The following CHRM2 variants were observed in gnomAD, a reference collection of about 807,000 sequenced individuals.
CHRM2 encodes the protein cholinergic receptor muscarinic 2, also known as muscarinic acetylcholine receptor M2.
In CHRM2, 8 loss-of-function variants were observed where a neutral mutation model predicts 25.0. The observed-to-expected ratio is 0.32, with a 90% CI of 0.19 to 0.58. The LOEUF (loss-of-function observed/expected upper bound fraction) is 0.58. Ranked by LOEUF, CHRM2 falls within the 20% of genes least tolerant of loss-of-function variation. The probability of loss-of-function intolerance (pLI) is 0.88; values close to 1 mark genes in which losing one functional copy is unlikely to be tolerated. For synonymous variants in CHRM2, 202 were observed against 205.7 expected (o/e 0.98, Z 0.15); for missense variants, 440 against 567.1 (o/e 0.78, Z 2.28).
chr7:136,994,140 C>T (rs1803417431), intron 3 of CHRM2, among the ~76,000 whole-genome samples: 2 of 152,156 alleles, frequency 1.3e-5, no homozygotes, highest in Admixed American at 1.3e-4. Flanking sequence ...AACCCCTTTC[C>T]TGACCTCCAC....
chr7:136,985,622 C>T (rs773439295), intron 2 of CHRM2, among the ~76,000 whole-genome samples: 5 of 151,112 alleles, frequency 3.3e-5, no homozygotes, highest in East Asian at 2.0e-4. Context: ...ACATTTCAAT[C>T]GTCCAAGATT....
At chr7:136,895,351 G>A (rs61463536) in intron 2 of CHRM2, among the ~76,000 whole-genome samples, 2,548 of 152,146 alleles carry the variant, frequency 0.017, 69 homozygotes, top group African/African-American at 0.058. Context: ...AAATCCTCAG[G>A]TTTTAGCAAT....
At chr7:136,957,596 CAG>C (rs1305571754) in intron 2 of CHRM2, among the ~76,000 whole-genome samples, 2 of 152,194 alleles carry the variant, frequency 1.3e-5, no homozygotes, top group African/African-American at 4.8e-5. Context: ...CTCTGACAAA[CAG>C]AGTATTTATG....
At chr7:136,896,707 G>A (rs1796916750) in intron 2 of CHRM2, among the ~76,000 whole-genome samples, 1 of 152,098 alleles carries the variant, frequency 6.6e-6, no homozygotes, top group East Asian at 1.9e-4. Context: ...CACAAGAAGC[G>A]AGAATATGAT....
intron 2 of CHRM2, among the ~76,000 whole-genome samples, chr7:136,939,128 C>T (rs1421173140): frequency 6.6e-6 from 1 of 152,144 alleles, no homozygotes; most frequent in Non-Finnish European, 1.5e-5. Context: ...CATCAACCTA[C>T]TTGTCCCCAT....
chr7:137,015,379 G>A lies in CHRM2; in HGVS notation c.514G>A (p.Glu172Lys), dbSNP rs1172103918. 1 of 1,613,546 alleles carries A rather than the reference G, an allele frequency of 6.2e-7. No homozygotes were observed. Among genetic ancestry groups the A allele is most frequent in the African/African-American group, 1.3e-5 (1 of 74,986 alleles). ...WQFIVGVRTVEDGECYIQFFS... is the reference protein window; with the variant it reads ...WQFIVGVRTVKDGECYIQFFS... ...GTTCATTGTAGGGGTGAGAACTGTGGAGGATGGGGAGTGCTACATTCAGTT... is the reference window on the plus strand; with the variant it reads ...GTTCATTGTAGGGGTGAGAACTGTGAAGGATGGGGAGTGCTACATTCAGTT... Residue 172 changes from glutamate to lysine, a missense_variant, in exon 4 of 4, where the codon GAG (glutamate) becomes AAG (lysine). This residue lies in a region of CHRM2 where 261 missense variants were observed against 261.8 expected (regional missense o/e 1.00). Coordinates refer to ENST00000680005, the MANE Select transcript of CHRM2 (RefSeq NM_001006630.2). The surrounding 1 kb of genome is among the most constrained non-coding windows in gnomAD (Gnocchi z 5.1).
chr7:136,948,209 A>G (rs895755208), intron 2 of CHRM2, among the ~76,000 whole-genome samples: 3 of 152,186 alleles, frequency 2.0e-5, no homozygotes, highest in Non-Finnish European at 4.4e-5. Flanking sequence ...CTAGATAGAA[A>G]TGAAAATGAG....
At chr7:137,004,839 C>A (rs1429547283) in intron 3 of CHRM2, among the ~76,000 whole-genome samples, 1 of 152,096 alleles carries the variant, frequency 6.6e-6, no homozygotes. Context: ...TCCCTGCTCT[C>A]ATTTTTTCAA....
rs570368435 is a variant in CHRM2 at position 136,900,041 on chromosome 7, C to A, written c.-125+30623C>A. 2.0e-5 allele frequency among the ~76,000 whole-genome samples: 3 copies of A among 152,146 alleles called. No individual in the cohort carries two copies. In the East Asian group the frequency reaches 5.8e-4, roughly 29 times the overall value. On this transcript the variant is annotated intron_variant, in intron 2 of 3. Transcript: ENST00000680005. Reference sequence around the variant, plus strand: ...TTTTTCTTTTTAATTTACTGGGAGGCATTGAAGACTGTATAAATAAGTAAA... The same window carrying A: ...TTTTTCTTTTTAATTTACTGGGAGGAATTGAAGACTGTATAAATAAGTAAA...
intron 2 of CHRM2, among the ~76,000 whole-genome samples, chr7:136,873,723 T>C (rs1795934191): frequency 6.6e-6 from 1 of 152,176 alleles, no homozygotes; most frequent in Non-Finnish European, 1.5e-5. Flanking sequence ...TTCCCTGTGT[T>C]TGGGGAAAAC....
At chr7:136,879,682 C>T (rs1796186356) in intron 2 of CHRM2, among the ~76,000 whole-genome samples, 1 of 151,956 alleles carries the variant, frequency 6.6e-6, no homozygotes, top group African/African-American at 2.4e-5. Flanking sequence ...TCCTCTCCCT[C>T]GCAGTTTGTT....
chr7:136,995,687 C>T (rs1236049310), intron 3 of CHRM2, among the ~76,000 whole-genome samples: 1 of 151,990 alleles, frequency 6.6e-6, no homozygotes, highest in Non-Finnish European at 1.5e-5. Context: ...TTGCATGGTC[C>T]TGGAAGGCAG....
intron 2 of CHRM2, among the ~76,000 whole-genome samples, chr7:136,954,245 T>C (rs954404590): frequency 2.6e-5 from 4 of 152,176 alleles, no homozygotes; most frequent in Non-Finnish European, 5.9e-5. Context: ...TGTGTGTATT[T>C]TTCCCCTCCA....
chr7:136,892,992 A>G (rs1250814587), intron 2 of CHRM2, among the ~76,000 whole-genome samples: 1 of 152,074 alleles, frequency 6.6e-6, no homozygotes, highest in African/African-American at 2.4e-5. Flanking sequence ...TTAAGAGTGC[A>G]TGTCTCTTCT....
At chr7:136,888,913 T>A (rs1425025164) in intron 2 of CHRM2, among the ~76,000 whole-genome samples, 1 of 151,672 alleles carries the variant, frequency 6.6e-6, no homozygotes, top group African/African-American at 2.4e-5. Context: ...CCGGGCGTGG[T>A]GGCGGGCACC....
rs572855216 is a variant in CHRM2, at chr7:136,912,926, G to A, written c.-125+43508G>A. Among the ~76,000 whole-genome samples, 46 of 152,026 alleles carry A rather than the reference G, an allele frequency of 3.0e-4. 1 individual carries two copies. In the South Asian group the frequency reaches 9.3e-3, roughly 31 times the overall value. On this transcript the variant is annotated intron_variant, in intron 2 of 3. Transcript: ENST00000680005. ...TACCAACTAAGTGAGATAATCTGGT[G>A]AAGAGTTGACTGTGATGCTTGGCAC...
intron 2 of CHRM2, among the ~76,000 whole-genome samples, chr7:136,908,606 A>G (rs1323519322): frequency 6.6e-6 from 1 of 151,854 alleles, no homozygotes. Context: ...TCACTGAATA[A>G]TTTTATCTCT....
At chr7:136,994,531 T>C (rs1206657417) in intron 3 of CHRM2, among the ~76,000 whole-genome samples, 29 of 143,304 alleles carry the variant, frequency 2.0e-4, no homozygotes, top group Admixed American at 1.7e-3. Flanking sequence ...CTTTTTTTTT[T>C]TTTTTTTTTT....
At chr7:136,990,051 A>C (rs937318839) in intron 2 of CHRM2, among the ~76,000 whole-genome samples, 53 of 151,962 alleles carry the variant, frequency 3.5e-4, no homozygotes, top group Admixed American at 2.0e-3. Context: ...CATCATCATG[A>C]TCATATTTAT....
Sources: allele counts gnomAD v4.1 joint callset (sites outside exome capture counted in the v4.1 genomes callset), GRCh38; gene constraint gnomAD v4.1.1; regional missense constraint gnomAD v4.1.1; non-coding constraint Gnocchi (gnomAD v3.1); transcripts MANE v1.5; gene names NCBI Gene and HGNC (gene_info 2026-07-23, HGNC 2026-07-21).